DENND2A: variants seen among roughly 807,000 people sequenced by gnomAD.
DENND2A encodes the protein DENN domain containing 2A.
DENND2A carries 53 observed loss-of-function variants against 105.3 expected under a neutral mutation model. The observed-to-expected ratio is 0.50, with a 90% CI of 0.40 to 0.63. The LOEUF (loss-of-function observed/expected upper bound fraction) is 0.63. DENND2A is among the 30% of genes least tolerant of loss of function. DENND2A has a pLI of 0.00. For synonymous variants in DENND2A, 522 were observed against 508.4 expected (o/e 1.03, Z -0.36); for missense variants, 1,138 against 1,279.6 (o/e 0.89, Z 1.69).
chr7:140,521,287 T>C (rs562462246), intron 18 of DENND2A, among the ~76,000 whole-genome samples: 25 of 152,212 alleles, frequency 1.6e-4, no homozygotes, highest in African/African-American at 5.8e-4. Flanking sequence ...CTTTCTTTTT[T>C]TTTTGTGACG....
chr7:140,637,121 A>G (rs1800968407), intron 1 of DENND2A, among the ~76,000 whole-genome samples: 1 of 152,048 alleles, frequency 6.6e-6, no homozygotes, highest in Non-Finnish European at 1.5e-5. Context: ...AAGCGTTGGG[A>G]TTACAGGCGT....
At chr7:140,545,797 T>C (rs752450254) in intron 13 of DENND2A, among the ~76,000 whole-genome samples, 3 of 152,192 alleles carry the variant, frequency 2.0e-5, no homozygotes, top group Non-Finnish European at 4.4e-5. Flanking sequence ...TGGATTTCAC[T>C]CTTAGTGTTG....
At chr7:140,596,321 C>T (rs1799280625) in intron 3 of DENND2A, among the ~76,000 whole-genome samples, 1 of 152,182 alleles carries the variant, frequency 6.6e-6, no homozygotes, top group Non-Finnish European at 1.5e-5. Context: ...GTAGCTTTTG[C>T]TCTAAACATC....
intron 4 of DENND2A, among the ~76,000 whole-genome samples, chr7:140,586,522 G>T (rs1798790724): frequency 6.6e-6 from 1 of 151,648 alleles, no homozygotes; most frequent in African/African-American, 2.4e-5. Context: ...CTGTGCCGTT[G>T]AACTCCTGGG....
At chr7:140,609,150 C>T (rs537377229) in intron 1 of DENND2A, among the ~76,000 whole-genome samples, 2 of 152,294 alleles carry the variant, frequency 1.3e-5, no homozygotes, top group African/African-American at 4.8e-5. Flanking sequence ...AGTAATAACA[C>T]ATTTTCCCAC....
chr7:140,626,089 C>G (rs138441721), intron 1 of DENND2A, among the ~76,000 whole-genome samples: 2 of 152,226 alleles, frequency 1.3e-5, no homozygotes, highest in Admixed American at 6.5e-5. Flanking sequence ...GTGCTGAATG[C>G]GTCAGGGTGT....
At chr7:140,592,685 C>T (rs923650930) in intron 3 of DENND2A, among the ~76,000 whole-genome samples, 4 of 151,558 alleles carry the variant, frequency 2.6e-5, no homozygotes, top group Admixed American at 6.6e-5. Flanking sequence ...CTGCAACCTC[C>T]GCCTCCAGGG....
chr7:140,518,504 T>A lies in DENND2A; in HGVS notation c.*203A>T. The A allele has an allele frequency of 2.0e-6, 1 of 489,274 alleles. No homozygotes were observed. The highest frequency in any genetic ancestry group is 3.7e-6 in the Non-Finnish European group (1 of 273,848). 30.3% of individuals were successfully genotyped at this position (489,274 alleles called of 1,614,324 possible). ...ATTTGCATGTCGGCGACACGCCTGGTCTCGGGCTCCCTTTCTGGGGCTGTC... is the reference window on the plus strand; with the variant it reads ...ATTTGCATGTCGGCGACACGCCTGGACTCGGGCTCCCTTTCTGGGGCTGTC... On this transcript the variant is annotated 3_prime_UTR_variant, in exon 20 of 20. Coordinates refer to ENST00000496613, the MANE Select transcript of DENND2A (RefSeq NM_015689.5).
At chr7:140,585,944 A>G (rs1451910341) in intron 4 of DENND2A, among the ~76,000 whole-genome samples, 1 of 152,110 alleles carries the variant, frequency 6.6e-6, no homozygotes, top group Non-Finnish European at 1.5e-5. Context: ...TCAGCGCTTT[A>G]GCCAATCTAG....
chr7:140,609,756 A>T (rs907293204), intron 1 of DENND2A: 1 of 152,178 alleles, frequency 6.6e-6, no homozygotes, highest in Non-Finnish European at 1.5e-5. Context: ...TGCTGAAGTG[A>T]ATACTGTAAA....
intron 14 of DENND2A, among the ~76,000 whole-genome samples, chr7:140,540,419 G>A (rs1022084363): frequency 6.6e-6 from 1 of 152,278 alleles, no homozygotes; most frequent in African/African-American, 2.4e-5. Flanking sequence ...CACTATGGAA[G>A]GTTGGAGAGA....
intron 14 of DENND2A, among the ~76,000 whole-genome samples, chr7:140,542,856 G>A (rs191965771): frequency 1.5e-3 from 223 of 152,054 alleles, no homozygotes; most frequent in African/African-American, 5.1e-3. Context: ...ATGAGCCACC[G>A]CGCCTGGCCT....
chr7:140,583,709 C>G lies in DENND2A; in HGVS notation c.1245+1880G>C, dbSNP rs547212304. ...CTTTGGGAGGCCAAGGCGGGCAGAT[C>G]ACAAGGTCAGGAGATCGAGACCATC... On this transcript the variant is annotated intron_variant, in intron 5 of 19. Transcript: ENST00000496613. Among the ~76,000 whole-genome samples, 119 of 150,212 alleles carry G rather than the reference C, an allele frequency of 7.9e-4. 10 individuals carry two copies. The highest frequency in any genetic ancestry group is 2.7e-3 in the African/African-American group (107 of 39,608).
intron 9 of DENND2A, among the ~76,000 whole-genome samples, chr7:140,565,865 G>C (rs1385699927): frequency 6.6e-6 from 1 of 152,154 alleles, no homozygotes; most frequent in Non-Finnish European, 1.5e-5. Flanking sequence ...ATGGTGATGA[G>C]AGTGACCTCT....
rs571855597 is a variant in DENND2A, at chr7:140,560,912, C to T, written c.1780-1095G>A. ...GCATACCACTGCACTCCAGCCTGGG[C>T]GACAGAACAAGACGCTAAGAAAAAA... is the stretch of plus-strand genomic sequence containing the variant. On this transcript the variant is annotated intron_variant, in intron 9 of 19. Transcript: ENST00000496613. 3.7e-4 allele frequency among the ~76,000 whole-genome samples: 56 copies of T among 150,546 alleles called. 1 individual carries two copies. Among genetic ancestry groups the T allele is most frequent in the African/African-American group, 1.2e-3 (51 of 40,930 alleles).
intron 1 of DENND2A, among the ~76,000 whole-genome samples, chr7:140,638,582 C>T (rs958460930): frequency 1.7e-4 from 26 of 152,302 alleles, no homozygotes; most frequent in African/African-American, 5.8e-4. Context: ...CTCCTTCTGG[C>T]AGATCCTTCC....
chr7:140,570,321 C>T (rs1259281449), intron 6 of DENND2A, among the ~76,000 whole-genome samples: 2 of 152,218 alleles, frequency 1.3e-5, no homozygotes, highest in Non-Finnish European at 2.9e-5. Flanking sequence ...CATGGGGAGA[C>T]AGCCCATTGC....
In DENND2A at chr7:140,601,480, A is replaced by C; in HGVS notation, c.918T>G (p.Pro306=). 1 of 1,613,458 alleles carries C rather than the reference A, an allele frequency of 6.2e-7. No individual in the cohort carries two copies. The highest frequency in any genetic ancestry group is 8.5e-7 in the Non-Finnish European group (1 of 1,179,580). The part of the protein sequence containing the change: ...LPPLPSLPPP[P]LPSSPPPSSV... ...AGGAAGGTGGGGGAGAGGAGGGCAG[A>C]GGCGGGGGAGGTAGAGAGGGCAGAG... Residue 306 remains proline, a synonymous_variant, in exon 3 of 20, where the codon CCT becomes CCG. Coordinates refer to ENST00000496613, the MANE Select transcript of DENND2A (RefSeq NM_015689.5).
intron 1 of DENND2A, among the ~76,000 whole-genome samples, chr7:140,621,312 G>C (rs1011128688): frequency 3.9e-5 from 6 of 152,062 alleles, no homozygotes; most frequent in Admixed American, 6.6e-5. Context: ...TAGGATTACA[G>C]ATGTGAGCCA....
Sources: allele counts gnomAD v4.1 joint callset (sites outside exome capture counted in the v4.1 genomes callset), GRCh38; gene constraint gnomAD v4.1.1; transcripts MANE v1.5; gene names NCBI Gene and HGNC (gene_info 2026-07-23, HGNC 2026-07-21).